The following ADD1 variants were observed in gnomAD, a reference collection of about 807,000 sequenced individuals.
ADD1 encodes the protein alpha-adducin.
In ADD1, 24 loss-of-function variants were observed where a neutral mutation model predicts 80.5. The ratio of observed to expected loss-of-function variants is 0.30; its 90% confidence interval spans 0.22 to 0.42. The LOEUF is 0.42. Ranked by LOEUF, ADD1 falls within the 10% of genes least tolerant of loss-of-function variation. The pLI is 1.00. For missense variants in ADD1, 948 were observed against 1,019.0 expected, an observed-to-expected ratio of 0.93 and a Z score of 0.95; for synonymous variants, 373 against 393.8, an observed-to-expected ratio of 0.95 and a Z score of 0.63.
chr4:2,872,657 A>G (rs1030503155), intron 1 of ADD1, among the ~76,000 whole-genome samples: 14 of 152,202 alleles, frequency 9.2e-5, no homozygotes, highest in Admixed American at 6.5e-5. Context: ...TCCCAGGTCG[A>G]GTGATCCTCT....
intron 1 of ADD1, among the ~76,000 whole-genome samples, chr4:2,865,250 A>C (rs1477963486): frequency 1.3e-5 from 2 of 151,988 alleles, no homozygotes; most frequent in Non-Finnish European, 2.9e-5. Context: ...ACTCATAATT[A>C]CTTGATAGCA....
chr4:2,890,891 T>C (rs1734197762), intron 4 of ADD1, among the ~76,000 whole-genome samples: 1 of 152,204 alleles, frequency 6.6e-6, no homozygotes, highest in African/African-American at 2.4e-5. Flanking sequence ...CTTAATTTTC[T>C]TCATTCCAAC....
chr4:2,905,518 TTTC>T, intron 10 of ADD1: 1 of 187,512 alleles, frequency 5.3e-6, no homozygotes, highest in Admixed American at 5.3e-5. Context: ...GTCACTAAAG[TTTC>T]TTAAGTCTTC....
At chr4:2,851,088 T>A (rs1727007920) in intron 1 of ADD1, among the ~76,000 whole-genome samples, 1 of 152,196 alleles carries the variant, frequency 6.6e-6, no homozygotes, top group Non-Finnish European at 1.5e-5. Flanking sequence ...TGCTCTATTG[T>A]TCAGGTTGGG....
intron 6 of ADD1, among the ~76,000 whole-genome samples, chr4:2,897,565 T>TAA (rs1553843366): frequency 6.1e-5 from 8 of 130,316 alleles, no homozygotes; most frequent in Non-Finnish European, 1.3e-4. Flanking sequence ...TTTTTTTTTT[T>TAA]AGGAGATGAG....
intron 9 of ADD1, 60 bp downstream of exon 9, chr4:2,899,495 G>A (rs1417284389): frequency 5.0e-6 from 8 of 1,593,746 alleles, no homozygotes; most frequent in African/African-American, 1.3e-5. Flanking sequence ...CAGTGTTGGT[G>A]TTCTTACAGC....
Position 2,851,919 on chromosome 4 carries a change from G to A in ADD1, c.-21+7895G>A, listed in dbSNP as rs781478123. Among the ~76,000 whole-genome samples, 147 of 151,772 alleles carry A rather than the reference G, an allele frequency of 9.7e-4. No individual in the cohort carries two copies. In the Middle Eastern group the frequency reaches 0.014, roughly 14 times the overall value. On this transcript the variant is annotated intron_variant, in intron 1 of 15. Coordinates refer to ENST00000683351, the MANE Select transcript of ADD1 (RefSeq NM_001354761.2). ...CGCAATGGCTCGATCTCGGCTCACC[G>A]CAACCTCCGCCTCCCAGGTTCAAGC...
chr4:2,857,420 G>A (rs1470092429), intron 1 of ADD1, among the ~76,000 whole-genome samples: 2 of 152,084 alleles, frequency 1.3e-5, no homozygotes, highest in African/African-American at 4.8e-5. Context: ...AGACCAGTGT[G>A]GGTAAATCGA....
chr4:2,925,639 C>T (rs1176508031), intron 14 of ADD1, among the ~76,000 whole-genome samples: 1 of 152,214 alleles, frequency 6.6e-6, no homozygotes, highest in East Asian at 1.9e-4. Flanking sequence ...TGAGTGGGTT[C>T]AGGACCCTCA....
intron 2 of ADD1, among the ~76,000 whole-genome samples, chr4:2,878,008 A>T (rs2108905633): frequency 6.6e-6 from 1 of 152,296 alleles, no homozygotes; most frequent in Non-Finnish European, 1.5e-5. Flanking sequence ...GAACCAGCTA[A>T]CATGAAATTC....
chr4:2,891,918 G>C (rs1734362743), intron 4 of ADD1, among the ~76,000 whole-genome samples: 1 of 152,190 alleles, frequency 6.6e-6, no homozygotes. Flanking sequence ...AATTTGTTCT[G>C]TGTTATATAC....
intron 3 of ADD1, among the ~76,000 whole-genome samples, chr4:2,883,596 C>T (rs748718031): frequency 2.2e-4 from 33 of 152,072 alleles, no homozygotes; most frequent in Non-Finnish European, 2.9e-5. Flanking sequence ...TACAGTGGCA[C>T]GATCACAGCT....
intron 2 of ADD1, among the ~76,000 whole-genome samples, chr4:2,878,718 A>G (rs902468813): frequency 1.3e-5 from 2 of 151,986 alleles, no homozygotes; most frequent in African/African-American, 4.8e-5. Context: ...TGAGTTTAGG[A>G]GTTTGAGGCT....
chr4:2,847,395 C>T lies in ADD1; in HGVS notation c.-21+3371C>T, dbSNP rs895490744. Among the ~76,000 whole-genome samples the T allele has an allele frequency of 1.5e-4, 16 of 110,198 alleles. No individual in the cohort carries two copies. In the Admixed American group the frequency reaches 1.6e-3, roughly 11 times the overall value. 72.3% of individuals were successfully genotyped at this position (110,198 alleles called of 152,430 possible). A position where few individuals can be genotyped will look rare whatever the true frequency, so the allele number is the denominator to read the frequency against. The stretch of plus-strand genomic sequence containing the variant: ...TGCACTCCATTCTGGGCAACAAAAG[C>T]GAAACTCCGTCTCAAAAAAAAAAAG... On this transcript the variant is annotated intron_variant, in intron 1 of 15. Coordinates refer to ENST00000683351, the MANE Select transcript of ADD1 (RefSeq NM_001354761.2).
In ADD1 at chr4:2,928,674, CG is replaced by C. The variant is rs1560272222; in HGVS notation, c.*154del. 36 of 778,228 alleles carry C rather than the reference CG, an allele frequency of 4.6e-5. No homozygotes were observed. 48.2% of individuals were successfully genotyped at this position (778,228 alleles called of 1,614,324 possible). ...TCACGTGACCAGCCCCGTGTAGCCC[CG>C]GGCTGACCCAGTGTGTGCTCAGCAG... On this transcript the variant is annotated 3_prime_UTR_variant, in exon 16 of 16. Coordinates refer to ENST00000683351, the MANE Select transcript of ADD1 (RefSeq NM_001354761.2).
chr4:2,899,526 A>G, intron 9 of ADD1, 91 bp downstream of exon 9: 1 of 1,400,596 alleles, frequency 7.1e-7, no homozygotes, highest in Non-Finnish European at 1.0e-6. Context: ...GCTGTCTTTT[A>G]TGCAGTATCT....
chr4:2,906,891 G>T (rs1019183445), intron 10 of ADD1, among the ~76,000 whole-genome samples: 1 of 151,924 alleles, frequency 6.6e-6, no homozygotes. Context: ...ATTGCCTCTC[G>T]AAAGTATTCT....
rs752868581 is a variant in ADD1 at position 2,881,072 on chromosome 4, CT to C, written c.196-803del. 1.6e-4 allele frequency among the ~76,000 whole-genome samples: 14 copies of C among 89,356 alleles called. No individual in the cohort carries two copies. In the South Asian group the frequency reaches 2.4e-3, roughly 15 times the overall value. The allele number at this position is 89,356 out of a possible 152,430, so 58.6% of individuals were successfully genotyped here. Reference sequence around the variant, plus strand: ...TACAATGAACATTTTGATGTATTTACTTTTTTTTTTTTTTTTTTTTTTTGAG... The same window carrying C: ...TACAATGAACATTTTGATGTATTTACTTTTTTTTTTTTTTTTTTTTTTGAG... On this transcript the variant is annotated intron_variant, in intron 2 of 15. Transcript: ENST00000683351.
At chr4:2,920,318 G>T (rs1401663671) in intron 14 of ADD1, among the ~76,000 whole-genome samples, 1 of 152,178 alleles carries the variant, frequency 6.6e-6, no homozygotes, top group East Asian at 1.9e-4. Flanking sequence ...TGTTGATTTG[G>T]GGTGGAGAGT....
Sources: allele counts gnomAD v4.1 joint callset (sites outside exome capture counted in the v4.1 genomes callset), GRCh38; gene constraint gnomAD v4.1.1; transcripts MANE v1.5; gene names NCBI Gene and HGNC (gene_info 2026-07-23, HGNC 2026-07-21).